The following SYN2 variants were observed in gnomAD, a reference collection of about 807,000 sequenced individuals.
The protein encoded by SYN2 is synapsin II, also known as synapsin-2.
SYN2 carries 19 observed loss-of-function variants against 50.9 expected under a neutral mutation model. The ratio of observed to expected loss-of-function variants is 0.37; its 90% CI spans 0.26 to 0.55. SYN2 has a LOEUF of 0.55. Among genes scored for constraint, SYN2 ranks in the 20% least tolerant of loss-of-function variants. The probability of loss-of-function intolerance (pLI) is 0.81; values close to 1 mark genes in which losing one functional copy is unlikely to be tolerated. For missense variants in SYN2, 587 were observed against 576.4 expected (o/e 1.02, Z -0.19); for synonymous variants, 255 against 224.9 (o/e 1.13, Z -1.20).
Position 12,156,761 on chromosome 3 carries a change from C to T in SYN2, c.775-4785C>T, listed in dbSNP as rs149621171. The T allele has an allele frequency of 4.2e-4, 603 of 1,420,728 alleles. 6 individuals are homozygous for T. In the East Asian group the frequency reaches 0.013, roughly 30 times the overall value. The allele number at this position is 1,420,728 out of a possible 1,614,324, so 88.0% of individuals were successfully genotyped here. On this transcript the variant is annotated intron_variant, in intron 5 of 12. Transcript: ENST00000621198. ...AAGGAAGACCCTGGCTCCTTTCTCA[C>T]TACCTCCCCTAGGGCAGAATCTATT... is the stretch of plus-strand genomic sequence containing the variant.
intron 1 of SYN2, among the ~76,000 whole-genome samples, chr3:12,082,299 C>T (rs1406174141): frequency 6.6e-6 from 1 of 152,168 alleles, no homozygotes; most frequent in Non-Finnish European, 1.5e-5. Flanking sequence ...GTCACATGGA[C>T]ACCCTCTGCC....
At position 12,070,675 on chromosome 3, in the gene SYN2, G is replaced by A. The variant is rs1423379276; in HGVS notation, c.377+65747G>A. On this transcript the variant is annotated intron_variant, in intron 1 of 12. Coordinates refer to ENST00000621198, the MANE Select transcript of SYN2 (RefSeq NM_133625.6). ...ATGCTGTCCCTCTATGCCTCTGGAT[G>A]CACCACTGGCATTGTTAATGGACCC... is the stretch of plus-strand genomic sequence containing the variant. The A allele has an allele frequency of 1.2e-5, 14 of 1,184,576 alleles. No individual in the cohort carries two copies. In the Admixed American group the frequency reaches 2.6e-4, roughly 22 times the overall value. The allele number at this position is 1,184,576 out of a possible 1,614,324, so 73.4% of individuals were successfully genotyped here. A position where few individuals can be genotyped will look rare whatever the true frequency, so the allele number is the denominator to read the frequency against.
intron 1 of SYN2, among the ~76,000 whole-genome samples, chr3:12,054,195 A>T (rs1694938176): frequency 6.6e-6 from 1 of 152,176 alleles, no homozygotes; most frequent in Non-Finnish European, 1.5e-5. Context: ...AGAGTAGTCC[A>T]TGAGAAAGAG....
At chr3:12,058,597 C>G (rs1695049287) in intron 1 of SYN2, among the ~76,000 whole-genome samples, 1 of 152,108 alleles carries the variant, frequency 6.6e-6, no homozygotes, top group South Asian at 2.1e-4. Flanking sequence ...CTAAGTGGAC[C>G]CAGTGAATAA....
chr3:12,064,926 T>C (rs1313874034), intron 1 of SYN2, among the ~76,000 whole-genome samples: 7 of 152,120 alleles, frequency 4.6e-5, no homozygotes, highest in Admixed American at 4.6e-4. Context: ...TACACAGATG[T>C]TCATAGCGTT....
chr3:12,156,985 A>T (rs10433537), intron 5 of SYN2: 78,865 of 1,320,966 alleles, frequency 0.06, 2,603 homozygotes, highest in Non-Finnish European at 0.065. Context: ...AGTGTACTGT[A>T]TATATTAACA....
intron 1 of SYN2, among the ~76,000 whole-genome samples, chr3:12,005,138 T>A (rs555850280): frequency 6.6e-6 from 1 of 152,138 alleles, no homozygotes; most frequent in African/African-American, 2.4e-5. Flanking sequence ...AACCCAAAGC[T>A]AAAATACCCC....
intron 1 of SYN2, chr3:12,070,872 C>A: frequency 1.7e-6 from 1 of 571,998 alleles, no homozygotes; most frequent in Middle Eastern, 3.2e-4. Flanking sequence ...TGGGTGACAT[C>A]AAGGAGAAGC....
chr3:12,175,916 AG>A (rs1698055734), intron 10 of SYN2, among the ~76,000 whole-genome samples: 1 of 152,250 alleles, frequency 6.6e-6, no homozygotes. Context: ...GGTTGATGAC[AG>A]CTTGGCCTCA....
intron 11 of SYN2, among the ~76,000 whole-genome samples, chr3:12,187,005 A>T (rs572734056): frequency 6.6e-6 from 1 of 152,182 alleles, no homozygotes; most frequent in Non-Finnish European, 1.5e-5. Flanking sequence ...AGACTTCCCA[A>T]TAAACCCTGG....
chr3:12,157,341 C>T, intron 5 of SYN2: 3 of 1,584,190 alleles, frequency 1.9e-6, no homozygotes, highest in Non-Finnish European at 2.6e-6. Flanking sequence ...TCCACTTTCT[C>T]CATCAGCCTT....
chr3:12,112,374 G>A (rs1048884478), intron 1 of SYN2, among the ~76,000 whole-genome samples: 8 of 151,902 alleles, frequency 5.3e-5, no homozygotes, highest in African/African-American at 9.7e-5. Flanking sequence ...TCAAATGAAC[G>A]GTGACATGGG....
chr3:12,184,280 A>G (rs956444067), intron 11 of SYN2: 15 of 985,666 alleles, frequency 1.5e-5, no homozygotes, highest in Non-Finnish European at 1.6e-5. Context: ...GTGTGTGTTG[A>G]TCTCAGTTGT....
intron 1 of SYN2, among the ~76,000 whole-genome samples, chr3:12,077,164 T>A (rs892685936): frequency 6.6e-6 from 1 of 152,012 alleles, no homozygotes; most frequent in Admixed American, 6.6e-5. Flanking sequence ...GTTAGTTAGG[T>A]TAATATGTAA....
intron 1 of SYN2, among the ~76,000 whole-genome samples, chr3:12,041,770 CAT>C (rs997660081): frequency 5.9e-5 from 9 of 152,184 alleles, no homozygotes; most frequent in Non-Finnish European, 1.3e-4. Context: ...CAGGTCTAGG[CAT>C]ACTGTTTAGC....
At chr3:12,181,909 CT>C (rs1698230708) in intron 10 of SYN2, among the ~76,000 whole-genome samples, 2 of 152,196 alleles carry the variant, frequency 1.3e-5, no homozygotes, top group Middle Eastern at 3.4e-3. Flanking sequence ...CAGACTGTGC[CT>C]TATGGATCCC....
chr3:12,071,525 G>A (rs183172646), intron 1 of SYN2: 3 of 362,482 alleles, frequency 8.3e-6, no homozygotes, highest in African/African-American at 4.2e-5. Flanking sequence ...GCACTTGATT[G>A]TAGAACTTGT....
intron 1 of SYN2, among the ~76,000 whole-genome samples, chr3:12,046,548 A>C (rs307584): frequency 0.93 from 142,004 of 152,134 alleles, 66,370 homozygotes; most frequent in East Asian, 1. Context: ...TGGAAGAGAG[A>C]CATGATTAGA....
chr3:12,170,907 A>G (rs1344773537), intron 10 of SYN2, among the ~76,000 whole-genome samples: 1 of 152,254 alleles, frequency 6.6e-6, no homozygotes, highest in Admixed American at 6.5e-5. Context: ...TAGCTTCGTG[A>G]CCAGCACATA....
Sources: gnomAD v4.1 joint callset for allele counts (sites outside exome capture counted in the v4.1 genomes callset) on GRCh38, gnomAD v4.1.1 for gene constraint, MANE v1.5 for transcripts, NCBI Gene and HGNC (gene_info 2026-07-23, HGNC 2026-07-21) for gene names.